PDCD6IP: variants seen among roughly 807,000 people sequenced by gnomAD.
PDCD6IP encodes the protein programmed cell death 6-interacting protein.
In PDCD6IP, 43 loss-of-function variants were observed where a neutral mutation model predicts 103.7. That is an observed-to-expected ratio of 0.41 (90% CI 0.32 to 0.53). The LOEUF (loss-of-function observed/expected upper bound fraction) is 0.53, where lower values mean the gene tolerates loss of function less well. PDCD6IP is among the 20% of genes least tolerant of loss of function. PDCD6IP has a pLI of 0.16. For missense variants in PDCD6IP, 871 were observed against 1,036.7 expected (o/e 0.84, Z 2.20); for synonymous variants, 354 against 378.7 (o/e 0.93, Z 0.76).
chr3:33,834,720 T>G (rs1697311704), intron 7 of PDCD6IP, among the ~76,000 whole-genome samples: 1 of 152,194 alleles, frequency 6.6e-6, no homozygotes, highest in Non-Finnish European at 1.5e-5. Context: ...ATTAAACCAT[T>G]TTTGTATTCT....
chr3:33,864,053 C>G lies in PDCD6IP; in HGVS notation c.2168C>G (p.Pro723Arg). ...IAREPSAPSI[P>R]TPAYQSSPAG... is the part of the protein sequence containing the mutation. Reference sequence around the variant, plus strand: ...AGAGAACCTAGTGCTCCTTCAATTCCTACACCTGCGTATCAGTCCTCACCA... The same window carrying G: ...AGAGAACCTAGTGCTCCTTCAATTCGTACACCTGCGTATCAGTCCTCACCA... Residue 723 changes from proline to arginine, a missense_variant, in exon 16 of 18, where the codon CCT becomes CGT. Physicochemically the swap from Pro to Arg is moderately radical, Grantham distance 103. This residue lies in a region of PDCD6IP where 202 missense variants were observed against 205.2 expected (regional missense o/e 0.98). Transcript: ENST00000307296. 6.2e-7 allele frequency: 1 copy of G among 1,614,086 alleles called. No homozygotes were observed. Among genetic ancestry groups the G allele is most frequent in the Non-Finnish European group, 8.5e-7 (1 of 1,179,964 alleles).
chr3:33,824,792 G>GTAAATAATTAAACTA (rs1205145154), intron 4 of PDCD6IP, among the ~76,000 whole-genome samples: 2 of 152,242 alleles, frequency 1.3e-5, no homozygotes, highest in Non-Finnish European at 2.9e-5. Context: ...CCTAACTACG[G>GTAAATAATTAAACTA]CATGTTTAAT....
rs1559766834 is a variant in PDCD6IP at position 33,799,077 on chromosome 3, T to C, written c.209+140T>C. 3 of 808,168 alleles carry C rather than the reference T, an allele frequency of 3.7e-6. No individual in the cohort carries two copies. The South Asian group carries it at 5.5e-5, about 15-fold the overall frequency. 50.1% of individuals were successfully genotyped at this position (808,168 alleles called of 1,614,324 possible). A position where few individuals can be genotyped will look rare whatever the true frequency, so the allele number is the denominator to read the frequency against. ...CCTGACCAGGCGCGTAGGTGTGGTC[T>C]GCATTCTTTGCTGGTGAGCAGGACC... On this transcript the variant is annotated intron_variant, in intron 1 of 17. Transcript: ENST00000307296.
rs1559781949 is a variant in PDCD6IP at position 33,826,549 on chromosome 3, A to G, written c.686A>G (p.Lys229Arg). 6.2e-7 allele frequency: 1 copy of G among 1,612,182 alleles called. No individual in the cohort carries two copies. The highest frequency in any genetic ancestry group is 2.2e-5 in the East Asian group (1 of 44,820). ...QAADYFGDAFKQCQYKDTLPK... is the reference protein window; with the variant it reads ...QAADYFGDAFRQCQYKDTLPK... ...GCAGATTATTTTGGTGATGCTTTCA[A>G]ACAGTGTCAATACAAAGATACTCTC... Residue 229 changes from lysine to arginine, a missense_variant, in exon 6 of 18, where the codon AAA becomes AGA. Around this residue, in one of 5 missense-constraint regions of PDCD6IP, gnomAD observed 242 missense variants for 250.7 expected, o/e 0.97. Coordinates refer to ENST00000307296, the MANE Select transcript of PDCD6IP (RefSeq NM_013374.6).
intron 4 of PDCD6IP, among the ~76,000 whole-genome samples, chr3:33,824,122 A>G (rs1697057342): frequency 6.6e-6 from 1 of 152,204 alleles, no homozygotes; most frequent in African/African-American, 2.4e-5. Context: ...AGTTTACTGA[A>G]CAAGTTCAGT....
At chr3:33,841,523 C>G (rs1282589502) in intron 9 of PDCD6IP, among the ~76,000 whole-genome samples, 1 of 144,206 alleles carries the variant, frequency 6.9e-6, no homozygotes, top group Non-Finnish European at 1.5e-5. Flanking sequence ...ACTGCAAGCT[C>G]CGCCTCCCGG....
chr3:33,861,333 G>A (rs934713913), intron 15 of PDCD6IP, among the ~76,000 whole-genome samples: 1 of 151,958 alleles, frequency 6.6e-6, no homozygotes, highest in African/African-American at 2.4e-5. Context: ...TAGTAGAGAC[G>A]GGTTTCACCA....
In PDCD6IP at chr3:33,866,375, G is replaced by C. The variant is rs1260715353; in HGVS notation, c.2457G>C (p.Met819Ile). ...GGTATTGCCAAATGCCCATGCCCATGGGCTATAATCCTTATGCGTATGGCC... is the reference window on the plus strand; with the variant it reads ...GGTATTGCCAAATGCCCATGCCCATCGGCTATAATCCTTATGCGTATGGCC... ...YPGYCQMPMPMGYNPYAYGQY... is the reference protein window; with the variant it reads ...YPGYCQMPMPIGYNPYAYGQY... Residue 819 changes from methionine (M) to isoleucine (I), a missense_variant, in exon 18 of 18, where the codon ATG becomes ATC. Met to Ile is a conservative substitution (Grantham distance 10). Coordinates refer to ENST00000307296, the MANE Select transcript of PDCD6IP (RefSeq NM_013374.6). 1 of 1,574,002 alleles carries C rather than the reference G, an allele frequency of 6.4e-7. No individual in the cohort carries two copies. Among genetic ancestry groups the C allele is most frequent in the African/African-American group, 1.4e-5 (1 of 72,846 alleles).
rs1376152837 is a variant in PDCD6IP, at chr3:33,864,103, C to T, written c.2218C>T (p.Pro740Ser). 1 of 1,609,564 alleles carries T rather than the reference C, an allele frequency of 6.2e-7. No individual in the cohort carries two copies. Among genetic ancestry groups the T allele is most frequent in the African/African-American group, 1.3e-5 (1 of 74,806 alleles). Residue 740 changes from proline (P) to serine (S), a missense_variant, in exon 16 of 18, where the codon CCA becomes TCA. Transcript: ENST00000307296. ...AGCAGGAGGACATGCACCAACTCCT[C>T]CAACTCCAGCGCCAAGAACCATGCC... ...SPAGGHAPTP[P>S]TPAPRTMPPT...
At chr3:33,829,493 A>G (rs1039469205) in intron 7 of PDCD6IP, among the ~76,000 whole-genome samples, 8 of 152,000 alleles carry the variant, frequency 5.3e-5, no homozygotes, top group African/African-American at 1.9e-4. Context: ...GCATATATAT[A>G]TATATACACA....
At chr3:33,814,152 T>A (rs1696778995) in intron 3 of PDCD6IP, among the ~76,000 whole-genome samples, 1 of 151,898 alleles carries the variant, frequency 6.6e-6, no homozygotes, top group Non-Finnish European at 1.5e-5. Flanking sequence ...TTCTTTTTTT[T>A]TTTTTTTTTG....
At chr3:33,809,159 C>T (rs999672041) in intron 1 of PDCD6IP, among the ~76,000 whole-genome samples, 1 of 152,196 alleles carries the variant, frequency 6.6e-6, no homozygotes, top group South Asian at 2.1e-4. Flanking sequence ...CTCCATGGCA[C>T]TTACCACTGT....
chr3:33,800,548 C>A (rs940495071), intron 1 of PDCD6IP, among the ~76,000 whole-genome samples: 2 of 152,068 alleles, frequency 1.3e-5, no homozygotes, highest in African/African-American at 4.8e-5. Flanking sequence ...GAATTAAGAC[C>A]CCTTGGTGTC....
chr3:33,837,677 C>G (rs1293008623), intron 8 of PDCD6IP, among the ~76,000 whole-genome samples: 1 of 152,072 alleles, frequency 6.6e-6, no homozygotes, highest in Admixed American at 6.6e-5. Flanking sequence ...CAACCTCCGC[C>G]TCCTGGGTTC....
At position 33,869,474 on chromosome 3, in the gene PDCD6IP, A is replaced by G. The variant is rs1424653822; in HGVS notation, c.*2949A>G. On this transcript the variant is annotated 3_prime_UTR_variant, in exon 18 of 18. Coordinates refer to ENST00000307296, the MANE Select transcript of PDCD6IP (RefSeq NM_013374.6). ...TTGGAAGAGCAAAGAAGGAAAAATTATATTTTTAAAGAAAGAGAATATTCA... is the reference window on the plus strand; with the variant it reads ...TTGGAAGAGCAAAGAAGGAAAAATTGTATTTTTAAAGAAAGAGAATATTCA... 1.3e-5 allele frequency: 2 copies of G among 152,244 alleles called. No individual in the cohort carries two copies. Among genetic ancestry groups the G allele is most frequent in the Admixed American group, 1.3e-4 (2 of 15,288 alleles). 9.4% of individuals were successfully genotyped at this position (152,244 alleles called of 1,614,324 possible).
chr3:33,858,322 A>C (rs1697873593), intron 15 of PDCD6IP, among the ~76,000 whole-genome samples: 1 of 152,172 alleles, frequency 6.6e-6, no homozygotes, highest in Non-Finnish European at 1.5e-5. Context: ...TGTCAATTCT[A>C]AGTTAACTTA....
At chr3:33,829,622 G>C (rs1012480306) in intron 7 of PDCD6IP, among the ~76,000 whole-genome samples, 1 of 152,168 alleles carries the variant, frequency 6.6e-6, no homozygotes, top group African/African-American at 2.4e-5. Context: ...GCCAGCAGGA[G>C]CAAGAGCTGT....
chr3:33,836,876 TAAATA>T (rs1318734480), intron 8 of PDCD6IP, among the ~76,000 whole-genome samples: 1 of 151,156 alleles, frequency 6.6e-6, no homozygotes, highest in East Asian at 1.9e-4. Context: ...AATAAATAAA[TAAATA>T]AAATAAATAT....
rs372914622 is a variant in PDCD6IP at position 33,837,393 on chromosome 3, A to G, written c.1058-811A>G. ...ATTTAGCAAACACAAAGTGTTTACC[A>G]TGTGCCAGGCACTCTTTAAGCACTT... On this transcript the variant is annotated intron_variant, in intron 8 of 17. Coordinates refer to ENST00000307296, the MANE Select transcript of PDCD6IP (RefSeq NM_013374.6). Among the ~76,000 whole-genome samples the G allele has an allele frequency of 6.6e-5, 10 of 152,352 alleles. No homozygotes were observed. In the South Asian group the frequency reaches 1.4e-3, roughly 22 times the overall value.
Sources: allele counts gnomAD v4.1 joint callset (sites outside exome capture counted in the v4.1 genomes callset), GRCh38; gene constraint gnomAD v4.1.1; regional missense constraint gnomAD v4.1.1; transcripts MANE v1.5; gene names NCBI Gene and HGNC (gene_info 2026-07-23, HGNC 2026-07-21).